The following OTUD4 variants were observed in gnomAD, a reference collection of about 807,000 sequenced individuals.
OTUD4 encodes OTU domain-containing protein 4.
OTUD4 carries 24 observed loss-of-function variants against 130.4 expected under a neutral mutation model. The observed-to-expected ratio is 0.18, with a 90% CI of 0.13 to 0.26. The LOEUF is 0.26. Ranked by LOEUF, OTUD4 falls within the 10% of genes least tolerant of loss-of-function variation. The pLI, the probability that OTUD4 is intolerant of heterozygous loss-of-function variation, is 1.00. For synonymous variants in OTUD4, 420 were observed against 472.5 expected (o/e 0.89, Z 1.44); for missense variants, 1,031 against 1,329.4 (o/e 0.78, Z 3.49).
intron 7 of OTUD4, 62 bp from the exon 8 acceptor site, chr4:145,156,058 A>AC: frequency 7.6e-7 from 1 of 1,312,430 alleles, no homozygotes; most frequent in Non-Finnish European, 1.1e-6. Context: ...TTACCTTCTA[A>AC]CCTCATCTAA....
chr4:145,148,137 C>T lies in OTUD4; in HGVS notation c.1260-1708G>A, dbSNP rs78400131. ...TCAAGTATTTTTACATACCAAGTAACACATATAGCTAACACATAAAAAAGG... is the reference window on the plus strand; with the variant it reads ...TCAAGTATTTTTACATACCAAGTAATACATATAGCTAACACATAAAAAAGG... On this transcript the variant is annotated intron_variant, in intron 13 of 20. Coordinates refer to ENST00000447906, the MANE Select transcript of OTUD4 (RefSeq NM_001366057.1). Among the ~76,000 whole-genome samples the T allele has an allele frequency of 2.9e-3, 437 of 152,250 alleles. 3 individuals carry two copies. Among genetic ancestry groups the T allele is most frequent in the East Asian group, 0.017 (89 of 5,182 alleles).
At chr4:145,156,382 T>TA (rs1751290542) in intron 7 of OTUD4, among the ~76,000 whole-genome samples, 2 of 152,168 alleles carry the variant, frequency 1.3e-5, no homozygotes, top group African/African-American at 2.4e-5. Flanking sequence ...ACAACCCTTT[T>TA]ATTAAAAATA....
At chr4:145,163,983 C>T (rs1751720676) in intron 5 of OTUD4, among the ~76,000 whole-genome samples, 171 bp downstream of exon 5, 1 of 152,180 alleles carries the variant, frequency 6.6e-6, no homozygotes, top group African/African-American at 2.4e-5. Context: ...GCTGGGATTA[C>T]AGGCATGAGC....
At chr4:145,142,056 G>A (rs557933198) in intron 18 of OTUD4, 140 bp downstream of exon 18, 1 of 728,690 alleles carries the variant, frequency 1.4e-6, no homozygotes, top group South Asian at 1.8e-5. Flanking sequence ...TGGAAGCAGA[G>A]CAAAGCAGAG....
At chr4:145,139,573 A>C (rs1440975637) in intron 20 of OTUD4, among the ~76,000 whole-genome samples, 1 of 152,222 alleles carries the variant, frequency 6.6e-6, no homozygotes, top group East Asian at 1.9e-4. Context: ...CTATAAATGA[A>C]AAAAGCTAGG....
chr4:145,168,322 G>T (rs1401950475), intron 3 of OTUD4, among the ~76,000 whole-genome samples: 1 of 150,376 alleles, frequency 6.6e-6, no homozygotes, highest in Non-Finnish European at 1.5e-5. Context: ...AGAGGTTTCA[G>T]TGAGCTGAGA....
In OTUD4 at chr4:145,141,453, G is replaced by A. The variant is rs755088734; in HGVS notation, c.2009C>T (p.Pro670Leu). The change falls in exon 19 of 21, where the codon CCT (proline) becomes CTT (leucine). Residue 670 changes from proline (P) to leucine (L), a missense_variant. Physicochemically the swap from Pro to Leu is moderately conservative, Grantham distance 98. Coordinates refer to ENST00000447906, the MANE Select transcript of OTUD4 (RefSeq NM_001366057.1). Reference sequence around the variant, plus strand: ...GGCTCGATCTCCCTTTTCATTACAAGGAAACCCAGGATAGAGTGGGTCTTG... The same window carrying A: ...GGCTCGATCTCCCTTTTCATTACAAAGAAACCCAGGATAGAGTGGGTCTTG... ...LYQDPLYPGFPCNEKGDRAIV... is the reference protein window; with the variant it reads ...LYQDPLYPGFLCNEKGDRAIV... 2 of 1,613,474 alleles carry A rather than the reference G, an allele frequency of 1.2e-6. No individual in the cohort carries two copies. The highest frequency in any genetic ancestry group is 1.7e-6 in the Non-Finnish European group (2 of 1,179,566).
At chr4:145,166,171 AAAAG>A (rs1265265557) in intron 3 of OTUD4, among the ~76,000 whole-genome samples, 13 of 152,224 alleles carry the variant, frequency 8.5e-5, no homozygotes, top group Middle Eastern at 3.4e-3. Flanking sequence ...CAAAAAAAAA[AAAAG>A]AAAGAAAGAA....
intron 2 of OTUD4, among the ~76,000 whole-genome samples, chr4:145,172,402 G>A (rs914920578): frequency 2.0e-5 from 3 of 152,160 alleles, no homozygotes; most frequent in Admixed American, 1.3e-4. Flanking sequence ...CTAGTAAGGC[G>A]AAAAATATTT....
chr4:145,171,882 T>C (rs1752186690), intron 2 of OTUD4, among the ~76,000 whole-genome samples, 162 bp from the exon 3 acceptor site: 1 of 152,196 alleles, frequency 6.6e-6, no homozygotes, highest in South Asian at 2.1e-4. Context: ...TATGAAAACA[T>C]ATAGCAATCA....
chr4:145,150,690 T>C lies in OTUD4; in HGVS notation c.1082A>G (p.Tyr361Cys). The change falls in exon 13 of 21, where the codon TAC (tyrosine) becomes TGC (cysteine). Residue 361 changes from tyrosine (Y) to cysteine (C), a missense_variant. Physicochemically the swap from Tyr to Cys is radical, Grantham distance 194. Around this residue, in one of 3 missense-constraint regions of OTUD4, gnomAD observed 900 missense variants for 1,095.9 expected, o/e 0.82. Coordinates refer to ENST00000447906, the MANE Select transcript of OTUD4 (RefSeq NM_001366057.1). Reference protein sequence around the residue: ...SGQNFHSDVDYRGPKNPSKPI... With the variant: ...SGQNFHSDVDCRGPKNPSKPI... Reference sequence around the variant, plus strand: ...CTTGCTTGGATTCTTTGGCCCTCTGTAATCCACATCTGTTGTAAGAACCCA... The same window carrying C: ...CTTGCTTGGATTCTTTGGCCCTCTGCAATCCACATCTGTTGTAAGAACCCA... The C allele has an allele frequency of 6.2e-7, 1 of 1,608,398 alleles. No individual in the cohort carries two copies. The highest frequency in any genetic ancestry group is 8.5e-7 in the Non-Finnish European group (1 of 1,175,116).
At chr4:145,165,321 T>C in intron 3 of OTUD4, 124 bp from the exon 4 acceptor site, 1 of 555,580 alleles carries the variant, frequency 1.8e-6, no homozygotes. Flanking sequence ...TTATTAGTAG[T>C]ATTGTGAATA....
chr4:145,170,633 G>GC (rs2126802375), intron 3 of OTUD4: 1 of 152,202 alleles, frequency 6.6e-6, no homozygotes, highest in East Asian at 1.9e-4. Flanking sequence ...CATTATCTCT[G>GC]CATCCCCAGG....
rs1375309866 is a variant in OTUD4, at chr4:145,180,008, G to GGCTA, written c.-39_-36dup. 2.1e-6 allele frequency: 3 copies of GGCTA among 1,410,316 alleles called. No homozygotes were observed. The African/African-American group carries it at 4.6e-5, about 22-fold the overall frequency. The allele number at this position is 1,410,316 out of a possible 1,614,324, so 87.4% of individuals were successfully genotyped here. A position where few individuals can be genotyped will look rare whatever the true frequency, so the allele number is the denominator to read the frequency against. On this transcript the variant is annotated 5_prime_UTR_variant, in exon 1 of 21. Transcript: ENST00000447906. The stretch of plus-strand genomic sequence containing the variant: ...CCTGCTGCAGGCCAGGCGCGGCGAG[G>GGCTA]GCTAGCCCCACATGGCCAGGCCGCC...
At chr4:145,150,762 A>T in intron 12 of OTUD4, 40 bp downstream of exon 12, 1 of 1,607,292 alleles carries the variant, frequency 6.2e-7, no homozygotes, top group Non-Finnish European at 8.5e-7. Flanking sequence ...AAGTACCATC[A>T]TCCCAATCCC....
chr4:145,149,411 C>G (rs557853557), intron 13 of OTUD4: 1 of 152,236 alleles, frequency 6.6e-6, no homozygotes, highest in South Asian at 2.1e-4. Flanking sequence ...TTAAGCTGAC[C>G]AGTTTATGGT....
intron 19 of OTUD4, among the ~76,000 whole-genome samples, chr4:145,140,406 A>G (rs1424071078): frequency 6.6e-6 from 1 of 152,200 alleles, no homozygotes; most frequent in Non-Finnish European, 1.5e-5. Flanking sequence ...ATATTCTTCC[A>G]AGTATTCATA....
At position 145,150,852 on chromosome 4, in the gene OTUD4, G is replaced by A. The variant is rs1751035685; in HGVS notation, c.1022C>T (p.Ser341Leu). Residue 341 changes from serine to leucine, a missense_variant, in exon 12 of 21, where the codon TCA (serine) becomes TTA (leucine). Transcript: ENST00000447906. The part of the protein sequence containing the change: ...APPPESWNTV[S>L]GKKMKKPSTS... ...GGAAGGTTTTTTCATCTTCTTCCCT[G>A]ACACTGTGTTCCAGCTTTCTGGGGG... 2 of 1,613,890 alleles carry A rather than the reference G, an allele frequency of 1.2e-6. No homozygotes were observed. The highest frequency in any genetic ancestry group is 2.2e-5 in the East Asian group (1 of 44,874).
chr4:145,165,113 G>C (rs1297188951), intron 4 of OTUD4, 38 bp downstream of exon 4: 1 of 1,184,410 alleles, frequency 8.4e-7, no homozygotes, highest in South Asian at 1.5e-5. Context: ...TTTCCCACTG[G>C]TTTCATTTTC....
Sources: allele counts gnomAD v4.1 joint callset (sites outside exome capture counted in the v4.1 genomes callset), GRCh38; gene constraint gnomAD v4.1.1; regional missense constraint gnomAD v4.1.1; transcripts MANE v1.5; gene names NCBI Gene and HGNC (gene_info 2026-07-23, HGNC 2026-07-21).